Variants in ZNF423 observed in about 807,000 individuals in gnomAD.
The protein encoded by ZNF423 is Ebf-associated zinc finger protein.
Under a neutral mutation model 95.8 loss-of-function variants are expected in ZNF423, and 12 were observed. That is an observed-to-expected ratio of 0.13 (90% CI 0.08 to 0.20). The LOEUF (loss-of-function observed/expected upper bound fraction) is 0.20, where lower values mean the gene tolerates loss of function less well. Ranked by LOEUF, ZNF423 falls within the 10% of genes least tolerant of loss-of-function variation. ZNF423 has a pLI of 1.00. For synonymous variants in ZNF423, 749 were observed against 711.9 expected (o/e 1.05, Z -0.83); for missense variants, 1,316 against 1,737.1 (o/e 0.76, Z 4.31).
chr16:49,627,203 T>C (rs1358518697), intron 4 of ZNF423, among the ~76,000 whole-genome samples: 1 of 132,954 alleles, frequency 7.5e-6, no homozygotes, highest in Non-Finnish European at 1.6e-5. Context: ...CATCTACCCA[T>C]CCATCCATCT....
chr16:49,676,728 C>T (rs2031066398), intron 3 of ZNF423, among the ~76,000 whole-genome samples: 1 of 152,212 alleles, frequency 6.6e-6, no homozygotes, highest in Non-Finnish European at 1.5e-5. Context: ...TGCTGGGCAC[C>T]TCAAACCACA....
At chr16:49,798,906 A>G (rs942010621) in intron 1 of ZNF423, among the ~76,000 whole-genome samples, 3 of 152,236 alleles carry the variant, frequency 2.0e-5, no homozygotes, top group African/African-American at 7.2e-5. Context: ...TATATAAAAT[A>G]GAACAGAAAG....
intron 5 of ZNF423, among the ~76,000 whole-genome samples, chr16:49,615,587 G>C (rs1218600375): frequency 6.6e-6 from 1 of 152,168 alleles, no homozygotes; most frequent in Non-Finnish European, 1.5e-5. Flanking sequence ...TCACAAGCTG[G>C]GAGGCCTGAA....
intron 3 of ZNF423, among the ~76,000 whole-genome samples, chr16:49,713,030 C>T (rs754912648): frequency 5.9e-5 from 9 of 152,208 alleles, no homozygotes; most frequent in Non-Finnish European, 1.0e-4. Flanking sequence ...GCAGCTCAGG[C>T]CTCCATTTGT....
At chr16:49,525,079 A>G (rs1205532497) in intron 6 of ZNF423, among the ~76,000 whole-genome samples, 1 of 152,208 alleles carries the variant, frequency 6.6e-6, no homozygotes, top group African/African-American at 2.4e-5. Flanking sequence ...GCTGGGTTGG[A>G]CAAAGGGCTT....
chr16:49,659,724 C>T (rs1229675892), intron 3 of ZNF423, among the ~76,000 whole-genome samples: 1 of 152,234 alleles, frequency 6.6e-6, no homozygotes. Context: ...CGAGGGGCTT[C>T]AGGTGCCCAC....
intron 4 of ZNF423, among the ~76,000 whole-genome samples, chr16:49,628,433 CCCAT>C (rs1972382935): frequency 2.0e-5 from 3 of 151,988 alleles, no homozygotes; most frequent in Non-Finnish European, 2.9e-5. Context: ...CATACACCCA[CCCAT>C]CCATCCATCT....
chr16:49,668,354 G>A (rs368821144), intron 3 of ZNF423, among the ~76,000 whole-genome samples: 1 of 152,226 alleles, frequency 6.6e-6, no homozygotes, highest in South Asian at 2.1e-4. Flanking sequence ...GGCTGACTCT[G>A]CAAACCTTGA....
intron 5 of ZNF423, among the ~76,000 whole-genome samples, chr16:49,571,743 A>G (rs949803204): frequency 3.3e-5 from 5 of 152,156 alleles, no homozygotes; most frequent in Admixed American, 2.0e-4. Context: ...TTCTGACTGC[A>G]AGTTCAGAAG....
intron 5 of ZNF423, among the ~76,000 whole-genome samples, chr16:49,573,595 C>G (rs1970412846): frequency 6.6e-6 from 1 of 152,126 alleles, no homozygotes; most frequent in Non-Finnish European, 1.5e-5. Context: ...GTAAAGCCAC[C>G]AGTTCCATCA....
At chr16:49,775,870 T>C (rs560112597) in intron 2 of ZNF423, among the ~76,000 whole-genome samples, 2 of 152,364 alleles carry the variant, frequency 1.3e-5, no homozygotes, top group South Asian at 4.1e-4. Flanking sequence ...CTCGTGTCTT[T>C]TTGGTCTGCA....
intron 5 of ZNF423, among the ~76,000 whole-genome samples, chr16:49,594,511 C>A (rs975611520): frequency 2.0e-5 from 3 of 152,134 alleles, no homozygotes; most frequent in Non-Finnish European, 2.9e-5. Flanking sequence ...CCAACATACA[C>A]ACAACACACA....
chr16:49,854,356 G>C (rs1332418687), intron 1 of ZNF423: 2 of 985,438 alleles, frequency 2.0e-6, no homozygotes, highest in East Asian at 1.1e-4. Flanking sequence ...ACTTCAGGAG[G>C]ACAGAACTGA....
intron 2 of ZNF423, among the ~76,000 whole-genome samples, chr16:49,740,572 A>C (rs1017689139): frequency 2.6e-5 from 4 of 152,260 alleles, no homozygotes; most frequent in African/African-American, 9.6e-5. Context: ...CAAATATTTT[A>C]ACACATAATT....
intron 1 of ZNF423, among the ~76,000 whole-genome samples, chr16:49,820,326 A>G (rs2034922559): frequency 6.6e-6 from 1 of 152,216 alleles, no homozygotes; most frequent in African/African-American, 2.4e-5. Flanking sequence ...AATATCCGCT[A>G]GGCCTTGGAT....
At chr16:49,830,931 C>A (rs969896605) in intron 1 of ZNF423, among the ~76,000 whole-genome samples, 3 of 152,144 alleles carry the variant, frequency 2.0e-5, no homozygotes, top group African/African-American at 7.2e-5. Context: ...TGATACAATC[C>A]TGTGTCAGCC....
intron 5 of ZNF423, among the ~76,000 whole-genome samples, chr16:49,538,626 T>C (rs940935146): frequency 3.3e-5 from 5 of 152,136 alleles, no homozygotes; most frequent in Admixed American, 3.3e-4. Context: ...CCTGCCTACC[T>C]AACACCCCTA....
At chr16:49,840,654 C>T (rs2035173036) in intron 1 of ZNF423, among the ~76,000 whole-genome samples, 1 of 152,228 alleles carries the variant, frequency 6.6e-6, no homozygotes, top group African/African-American at 2.4e-5. Flanking sequence ...CTCACACAGG[C>T]ACACACATGC....
intron 7 of ZNF423, among the ~76,000 whole-genome samples, chr16:49,506,961 T>A (rs1340986628): frequency 2.0e-5 from 3 of 151,962 alleles, no homozygotes; most frequent in Admixed American, 2.0e-4. Context: ...GGATGAATGG[T>A]GGGAGGAAGA....
Sources: allele counts gnomAD v4.1 joint callset (sites outside exome capture counted in the v4.1 genomes callset), GRCh38; gene constraint gnomAD v4.1.1; transcripts MANE v1.5; gene names NCBI Gene and HGNC (gene_info 2026-07-23, HGNC 2026-07-21).